FAM135B: variants seen among roughly 807,000 people sequenced by gnomAD.
FAM135B encodes protein FAM135B.
FAM135B carries 43 observed loss-of-function variants against 127.7 expected under a neutral mutation model. The observed-to-expected ratio is 0.34, with a 90% CI of 0.26 to 0.43. The LOEUF is 0.43. FAM135B is among the 20% of genes least tolerant of loss of function. FAM135B has a pLI of 1.00. For synonymous variants in FAM135B, 670 were observed against 665.1 expected, an observed-to-expected ratio of 1.01 and a Z score of -0.11; for missense variants, 1,558 against 1,725.6, an observed-to-expected ratio of 0.90 and a Z score of 1.72.
intron 1 of FAM135B, among the ~76,000 whole-genome samples, chr8:138,379,805 C>T (rs1272122469): frequency 6.6e-6 from 1 of 152,164 alleles, no homozygotes; most frequent in Non-Finnish European, 1.5e-5. Flanking sequence ...CAATAATAGA[C>T]ATAACTTGAG....
chr8:138,397,344 C>A (rs781653359), intron 1 of FAM135B, among the ~76,000 whole-genome samples: 2 of 152,152 alleles, frequency 1.3e-5, no homozygotes, highest in Non-Finnish European at 2.9e-5. Flanking sequence ...TGGGTAAGCC[C>A]AGGGCCATGG....
In FAM135B at chr8:138,345,685, G is replaced by A. The variant is rs545700284; in HGVS notation, c.77+22222C>T. On this transcript the variant is annotated intron_variant, in intron 2 of 19. Transcript: ENST00000395297. ...CCAAACCACCCAGCCATGTGGCGAC[G>A]ACAATGGACATCCCAAAACTGAGAG... Among the ~76,000 whole-genome samples the A allele has an allele frequency of 5.3e-5, 8 of 152,282 alleles. No individual in the cohort carries two copies. The South Asian group carries it at 1.7e-3, about 32-fold the overall frequency.
intron 7 of FAM135B, among the ~76,000 whole-genome samples, chr8:138,216,700 G>A (rs1156542689): frequency 6.6e-6 from 1 of 152,164 alleles, no homozygotes; most frequent in Non-Finnish European, 1.5e-5. Flanking sequence ...CTGTTTCTAA[G>A]CCCCATTTAA....
chr8:138,466,344 A>G (rs1167626919), intron 1 of FAM135B, among the ~76,000 whole-genome samples: 1 of 152,124 alleles, frequency 6.6e-6, no homozygotes, highest in African/African-American at 2.4e-5. Context: ...GTCAGGAGAG[A>G]GAAGTAGGTC....
Position 138,315,258 on chromosome 8 carries a change from CACA to C in FAM135B, c.78-4341_78-4339del, listed in dbSNP as rs369243274. On this transcript the variant is annotated intron_variant, in intron 2 of 19. Transcript: ENST00000395297. The stretch of plus-strand genomic sequence containing the variant: ...TCACCAGGGAAACACAAATCAAAAC[CACA>C]ACAACATGTCACCTCATACATTTTA... Among the ~76,000 whole-genome samples the C allele has an allele frequency of 8.8e-4, 134 of 152,148 alleles. 3 individuals carry two copies. Among genetic ancestry groups the C allele is most frequent in the African/African-American group, 3.1e-3 (129 of 41,490 alleles).
Position 138,152,183 on chromosome 8 carries a change from G to A in FAM135B, c.2292C>T (p.Leu764=), listed in dbSNP as rs773255153. ...PFEEDEREVA[L]TKLTKSVSAP... ...CAGATACAGACTTGGTTAACTTAGT[G>A]AGTGCCACCTCCCGCTCATCCTCCT... The change falls in exon 13 of 20, where the codon CTC becomes CTT. Residue 764 remains leucine (L), a synonymous_variant. Transcript: ENST00000395297. 6.8e-6 allele frequency: 11 copies of A among 1,614,078 alleles called. No homozygotes were observed. Among genetic ancestry groups the A allele is most frequent in the Non-Finnish European group, 8.5e-6 (10 of 1,180,046 alleles).
At chr8:138,421,296 G>C (rs2131455037) in intron 1 of FAM135B, among the ~76,000 whole-genome samples, 1 of 152,206 alleles carries the variant, frequency 6.6e-6, no homozygotes, top group South Asian at 2.1e-4. Context: ...CAGGGCAACA[G>C]AGCGAGACTC....
Position 138,152,887 on chromosome 8 carries a change from G to C in FAM135B, c.1588C>G (p.Pro530Ala), listed in dbSNP as rs777248502. 1 of 1,614,190 alleles carries C rather than the reference G, an allele frequency of 6.2e-7. No homozygotes were observed. The highest frequency in any genetic ancestry group is 8.5e-7 in the Non-Finnish European group (1 of 1,180,038). Residue 530 changes from proline (P) to alanine (A), a missense_variant, in exon 13 of 20, where the codon CCA becomes GCA. Physicochemically the swap from Pro to Ala is conservative, Grantham distance 27 (BLOSUM62 -1). This residue lies in a region of FAM135B where 923 missense variants were observed against 865.3 expected (regional missense o/e 1.07). Coordinates refer to ENST00000395297, the MANE Select transcript of FAM135B (RefSeq NM_015912.4). ...TGQTSDAGTY[P>A]VADVDTSRRS... is the part of the protein sequence containing the mutation. ...CTAGAAGTATCCACATCTGCCACTG[G>C]ATATGTCCCAGCATCAGATGTTTGG...
At chr8:138,295,688 G>A (rs1176103157) in intron 3 of FAM135B, among the ~76,000 whole-genome samples, 2 of 152,262 alleles carry the variant, frequency 1.3e-5, no homozygotes, top group South Asian at 2.1e-4. Context: ...CTATCTTCTC[G>A]TGTACATTAG....
chr8:138,343,783 GC>G (rs1207119972), intron 2 of FAM135B, among the ~76,000 whole-genome samples: 1 of 152,080 alleles, frequency 6.6e-6, no homozygotes, highest in Non-Finnish European at 1.5e-5. Flanking sequence ...GCATCTCCCT[GC>G]CTGAGATAAA....
At chr8:138,214,301 C>G (rs1586792923) in intron 7 of FAM135B, among the ~76,000 whole-genome samples, 2 of 152,148 alleles carry the variant, frequency 1.3e-5, no homozygotes, top group East Asian at 1.9e-4. Flanking sequence ...TATGAATAGC[C>G]ATATTTTAGA....
chr8:138,216,578 A>G (rs2129954771), intron 7 of FAM135B, among the ~76,000 whole-genome samples: 1 of 152,286 alleles, frequency 6.6e-6, no homozygotes. Flanking sequence ...TGGCCAAGAG[A>G]AAGCTTCAAA....
At chr8:138,446,857 A>G (rs1338875967) in intron 1 of FAM135B, among the ~76,000 whole-genome samples, 1 of 151,908 alleles carries the variant, frequency 6.6e-6, no homozygotes, top group African/African-American at 2.4e-5. Flanking sequence ...CTACCATCAG[A>G]GTGAACAGGC....
chr8:138,389,029 C>T (rs1171695946), intron 1 of FAM135B, among the ~76,000 whole-genome samples: 1 of 152,102 alleles, frequency 6.6e-6, no homozygotes. Context: ...TCTGTATCTT[C>T]CATTCTATTT....
chr8:138,300,799 A>G (rs990444415), intron 3 of FAM135B, among the ~76,000 whole-genome samples: 13 of 133,440 alleles, frequency 9.7e-5, no homozygotes, highest in Admixed American at 2.5e-4. Flanking sequence ...TTGCCAGGCT[A>G]GAGTGCAGTG....
rs1269012646 is a variant in FAM135B, at chr8:138,141,226, C to T, written c.3762G>A (p.Leu1254=). The stretch of plus-strand genomic sequence containing the variant: ...TACTAACCAGGGTGCTGTTGTTGTA[C>T]AGGGTTCCCAGGTGAGGCCCAGAGA... The part of the protein sequence containing the change: ...LSLSGPHLGT[L]YNNSTLVSTG... Residue 1254 remains leucine, a synonymous_variant, in exon 17 of 20, where the codon CTG becomes CTA. Coordinates refer to ENST00000395297, the MANE Select transcript of FAM135B (RefSeq NM_015912.4). The surrounding 1 kb of genome is among the most constrained non-coding windows in gnomAD (Gnocchi z 4.7). 3 of 1,614,106 alleles carry T rather than the reference C, an allele frequency of 1.9e-6. No homozygotes were observed. The South Asian group carries it at 3.3e-5, about 18-fold the overall frequency.
Position 138,137,191 on chromosome 8 carries a change from G to A in FAM135B, c.3971C>T (p.Ala1324Val), listed in dbSNP as rs1212661280. 1 of 1,609,536 alleles carries A rather than the reference G, an allele frequency of 6.2e-7. No individual in the cohort carries two copies. Among genetic ancestry groups the A allele is most frequent in the Admixed American group, 1.7e-5 (1 of 60,018 alleles). The change falls in exon 19 of 20, where the codon GCC (alanine) becomes GTC (valine). Residue 1324 changes from alanine to valine, a missense_variant. Physicochemically the swap from Ala to Val is moderately conservative, Grantham distance 64 (BLOSUM62 0). Transcript: ENST00000395297. The stretch of plus-strand genomic sequence containing the variant: ...GGCAGTTTTACACATTTCAATCCTG[G>A]CTGAATGAAATGGCACATAACGGTC... ...PQDRYVPFHS[A>V]RIEMCKTALK...
chr8:138,477,315 A>G (rs1027455324), intron 1 of FAM135B: 2 of 152,130 alleles, frequency 1.3e-5, no homozygotes, highest in Non-Finnish European at 2.9e-5. Flanking sequence ...GCATGTCCTT[A>G]CCTCTTCTTT....
intron 1 of FAM135B, among the ~76,000 whole-genome samples, chr8:138,387,127 A>G (rs562041413): frequency 4.6e-5 from 7 of 152,314 alleles, no homozygotes; most frequent in Middle Eastern, 3.4e-3. Flanking sequence ...ATATTTGGAA[A>G]TTAAGGAAAA....
Sources: gnomAD v4.1 joint callset for allele counts (sites outside exome capture counted in the v4.1 genomes callset) on GRCh38, gnomAD v4.1.1 for gene constraint, gnomAD v4.1.1 regional missense constraint, Gnocchi (gnomAD v3.1) non-coding constraint, MANE v1.5 for transcripts, NCBI Gene and HGNC (gene_info 2026-07-23, HGNC 2026-07-21) for gene names.